Variants in C19orf18 observed in about 807,000 individuals in gnomAD.
The protein encoded by C19orf18 is chromosome 19 open reading frame 18, also known as uncharacterized protein C19orf18.
Under a neutral mutation model 23.3 loss-of-function variants are expected in C19orf18, and 21 were observed. The observed-to-expected ratio is 0.90, with a 90% CI of 0.64 to 1.30. The LOEUF (loss-of-function observed/expected upper bound fraction) is 1.30, where lower values mean the gene tolerates loss of function less well. Among genes scored for constraint, C19orf18 ranks in the 50% most tolerant of loss-of-function variants. The pLI is 0.00. For missense variants in C19orf18, 249 were observed against 259.6 expected, an observed-to-expected ratio of 0.96 and a Z score of 0.28; for synonymous variants, 96 against 95.2, an observed-to-expected ratio of 1.01 and a Z score of -0.05.
At chr19:57,969,566 GAAAAAAAAAAAAAAAAA>G (rs59100128) in intron 3 of C19orf18, among the ~76,000 whole-genome samples, 19 of 46,498 alleles carry the variant, frequency 4.1e-4, no homozygotes, top group African/African-American at 1.3e-3. Flanking sequence ...AAAAAAAACA[GAAAAAAAAAAAAAAAAA>G]AAAAAAAAAA....
chr19:57,973,612 C>T (rs1410181451), intron 2 of C19orf18, among the ~76,000 whole-genome samples: 1 of 151,532 alleles, frequency 6.6e-6, no homozygotes, highest in Admixed American at 6.6e-5. Context: ...GTAGTCCCAG[C>T]TACTTGGGAG....
In C19orf18 at chr19:57,961,664, A is replaced by G. The variant is rs934797579; in HGVS notation, c.372-113T>C. The stretch of plus-strand genomic sequence containing the variant: ...AGTCGCTTGTGGAGTGGGTGCAGAC[A>G]TAAGACTTTGAAACCAGACTAATCA... On this transcript the variant is annotated intron_variant, in intron 4 of 5. Transcript: ENST00000314391. 1.7e-5 allele frequency: 20 copies of G among 1,198,468 alleles called. No homozygotes were observed. The Admixed American group carries it at 2.7e-4, about 16-fold the overall frequency. The allele number at this position is 1,198,468 out of a possible 1,614,324, so 74.2% of individuals were successfully genotyped here.
rs2072844500 is a variant in C19orf18 at position 57,958,537 on chromosome 19, G to A, written c.*65C>T. On this transcript the variant is annotated 3_prime_UTR_variant, in exon 6 of 6. Transcript: ENST00000314391. ...TCTCTGGGAGCAAGCCACGCCCACA[G>A]GCTCAGTCTCCCAGCACCCCCATAG... 3 of 1,099,180 alleles carry A rather than the reference G, an allele frequency of 2.7e-6. No individual in the cohort carries two copies. Among genetic ancestry groups the A allele is most frequent in the African/African-American group, 3.2e-5 (2 of 62,272 alleles). 68.1% of individuals were successfully genotyped at this position (1,099,180 alleles called of 1,614,324 possible).
At chr19:57,968,480 G>T (rs1342068962) in intron 3 of C19orf18, among the ~76,000 whole-genome samples, 2 of 152,134 alleles carry the variant, frequency 1.3e-5, no homozygotes, top group African/African-American at 4.8e-5. Flanking sequence ...GAGAAAGGAG[G>T]TGTGATTGCT....
At chr19:57,963,644 T>C (rs879259891) in intron 4 of C19orf18, among the ~76,000 whole-genome samples, 7 of 152,056 alleles carry the variant, frequency 4.6e-5, no homozygotes, top group Admixed American at 1.3e-4. Flanking sequence ...TCCCAGCACT[T>C]TGGGAGTCCG....
At chr19:57,972,003 C>G (rs530840121) in intron 3 of C19orf18, among the ~76,000 whole-genome samples, 1 of 152,124 alleles carries the variant, frequency 6.6e-6, no homozygotes. Context: ...ACTCAGAAGC[C>G]GCCCTGTTGC....
chr19:57,963,234 G>A (rs1600205098), intron 4 of C19orf18, among the ~76,000 whole-genome samples: 1 of 151,846 alleles, frequency 6.6e-6, no homozygotes, highest in Non-Finnish European at 1.5e-5. Context: ...TCTCCATGTT[G>A]GTCAGGCTGG....
At chr19:57,973,821 T>G (rs11084525) in intron 2 of C19orf18, among the ~76,000 whole-genome samples, 38,149 of 151,702 alleles carry the variant, frequency 0.25, 5,015 homozygotes, top group African/African-American at 0.32. Context: ...CAAATTCAAG[T>G]CAGACAGGCA....
At chr19:57,959,398 G>A (rs1341973378) in intron 5 of C19orf18, among the ~76,000 whole-genome samples, 5 of 152,058 alleles carry the variant, frequency 3.3e-5, no homozygotes, top group Non-Finnish European at 7.4e-5. Context: ...TGAACAGGGC[G>A]GATCACTTGA....
chr19:57,961,674 G>C lies in C19orf18; in HGVS notation c.372-123C>G, dbSNP rs376006818. On this transcript the variant is annotated intron_variant, in intron 4 of 5. Coordinates refer to ENST00000314391, the MANE Select transcript of C19orf18 (RefSeq NM_152474.5). Reference sequence around the variant, plus strand: ...GGAGTGGGTGCAGACATAAGACTTTGAAACCAGACTAATCATGGTCAGCTC... The same window carrying C: ...GGAGTGGGTGCAGACATAAGACTTTCAAACCAGACTAATCATGGTCAGCTC... The C allele has an allele frequency of 7.5e-5, 78 of 1,040,338 alleles. 2 individuals carry two copies. In the East Asian group the frequency reaches 7.6e-4, roughly 10 times the overall value. The allele number at this position is 1,040,338 out of a possible 1,614,324, so 64.4% of individuals were successfully genotyped here. A position where few individuals can be genotyped will look rare whatever the true frequency, so the allele number is the denominator to read the frequency against.
intron 5 of C19orf18, among the ~76,000 whole-genome samples, chr19:57,960,814 G>GT (rs1470514839): frequency 3.9e-5 from 6 of 152,140 alleles, no homozygotes; most frequent in East Asian, 1.9e-4. Flanking sequence ...GTTCATTTCC[G>GT]TAAGTGTGGC....
In C19orf18 at chr19:57,973,131, G is replaced by A. The variant is rs550960743; in HGVS notation, c.227-627C>T. Among the ~76,000 whole-genome samples, 9 of 106,982 alleles carry A rather than the reference G, an allele frequency of 8.4e-5. No individual in the cohort carries two copies. In the East Asian group the frequency reaches 2.3e-3, roughly 28 times the overall value. The allele number at this position is 106,982 out of a possible 152,430, so 70.2% of individuals were successfully genotyped here. A position where few individuals can be genotyped will look rare whatever the true frequency, so the allele number is the denominator to read the frequency against. On this transcript the variant is annotated intron_variant, in intron 2 of 5. Coordinates refer to ENST00000314391, the MANE Select transcript of C19orf18 (RefSeq NM_152474.5). ...CACTGCACTCCAGCTGGGTGACAGA[G>A]TGAGACTCCGTCTCAAAAAAAAAAA...
intron 4 of C19orf18, among the ~76,000 whole-genome samples, chr19:57,963,299 G>C (rs1219050892): frequency 1.3e-5 from 2 of 151,980 alleles, no homozygotes; most frequent in African/African-American, 4.8e-5. Flanking sequence ...AAAGTGCTGG[G>C]ATTACAGGCG....
In C19orf18 at chr19:57,972,483, A is replaced by T; in HGVS notation, c.248T>A (p.Met83Lys). 3 of 1,614,064 alleles carry T rather than the reference A, an allele frequency of 1.9e-6. No homozygotes were observed. The highest frequency in any genetic ancestry group is 2.5e-6 in the Non-Finnish European group (3 of 1,179,936). Residue 83 changes from methionine to lysine, a missense_variant, in exon 3 of 6, where the codon ATG becomes AAG. Transcript: ENST00000314391. ...CTTACCTTTATTCCTCAGGAATTTC[A>T]TGGGGTTCGTAGGGGATGCAGCTAA... ...RSTAASPTNPMKFLRNKAIIR... is the reference protein window; with the variant it reads ...RSTAASPTNPKKFLRNKAIIR...
At chr19:57,962,501 G>A (rs533665372) in intron 4 of C19orf18, among the ~76,000 whole-genome samples, 1 of 152,268 alleles carries the variant, frequency 6.6e-6, no homozygotes, top group South Asian at 2.1e-4. Context: ...TGTGGAAATG[G>A]ATGACAGTGT....
At chr19:57,961,287 GAA>G (rs2072870318) in intron 5 of C19orf18, 102 bp downstream of exon 5, 1 of 1,186,072 alleles carries the variant, frequency 8.4e-7, no homozygotes, top group East Asian at 2.4e-5. Context: ...AGGAAAGAAA[GAA>G]AGAAAAGAAA....
chr19:57,962,008 G>C (rs974425399), intron 4 of C19orf18, among the ~76,000 whole-genome samples: 9 of 122,704 alleles, frequency 7.3e-5, no homozygotes, highest in African/African-American at 2.9e-4. Flanking sequence ...TTCTCTCTCT[G>C]TATCTCTCCC....
intron 2 of C19orf18, among the ~76,000 whole-genome samples, chr19:57,972,858 G>A (rs554119196): frequency 2.6e-5 from 4 of 152,078 alleles, no homozygotes; most frequent in Admixed American, 2.0e-4. Context: ...AAGGGGCTAC[G>A]ACCTCATTAG....
intron 3 of C19orf18, among the ~76,000 whole-genome samples, chr19:57,967,230 T>C (rs1042794400): frequency 6.6e-6 from 1 of 152,120 alleles, no homozygotes; most frequent in Non-Finnish European, 1.5e-5. Flanking sequence ...AGAAAGTAAC[T>C]GTAGACCATG....
Sources: allele counts gnomAD v4.1 joint callset (sites outside exome capture counted in the v4.1 genomes callset), GRCh38; gene constraint gnomAD v4.1.1; transcripts MANE v1.5; gene names NCBI Gene and HGNC (gene_info 2026-07-23, HGNC 2026-07-21).